Variants in NPAS4 observed in about 807,000 individuals in gnomAD.
The protein encoded by NPAS4 is neuronal PAS domain protein 4.
In NPAS4, 10 loss-of-function variants were observed where a neutral mutation model predicts 64.0. The ratio of observed to expected loss-of-function variants is 0.16; its 90% CI spans 0.10 to 0.26. The LOEUF (loss-of-function observed/expected upper bound fraction) is 0.26, where lower values mean the gene tolerates loss of function less well. NPAS4 is among the 10% of genes least tolerant of loss of function. The pLI is 1.00. For missense variants in NPAS4, 886 were observed against 992.6 expected, an observed-to-expected ratio of 0.89 and a Z score of 1.44; for synonymous variants, 441 against 411.7, an observed-to-expected ratio of 1.07 and a Z score of -0.86.
chr11:66,417,813 C>CAA (rs141187752), upstream of NPAS4, among the ~76,000 whole-genome samples: 18 of 143,508 alleles, frequency 1.3e-4, no homozygotes, highest in Admixed American at 8.3e-4. Flanking sequence ...AAGTTGGAGA[C>CAA]AAAAAAAAAA....
chr11:66,417,475 C>G (rs958462676), upstream of NPAS4, among the ~76,000 whole-genome samples: 4 of 152,052 alleles, frequency 2.6e-5, no homozygotes, highest in African/African-American at 9.7e-5. Flanking sequence ...ATGTGGGGCT[C>G]CTTTCCTCCA....
At chr11:66,423,788 G>T in intron 6 of NPAS4, 47 bp from the exon 7 acceptor site, 1 of 1,605,500 alleles carries the variant, frequency 6.2e-7, no homozygotes, top group Non-Finnish European at 8.5e-7. Flanking sequence ...AACTGCTCTG[G>T]ATATGGACGT....
chr11:66,425,352 C>A, intron 7 of NPAS4, 82 bp downstream of exon 7: 1 of 704,094 alleles, frequency 1.4e-6, no homozygotes. Flanking sequence ...ATCAATTCCC[C>A]CTCTCTGTAC....
intron 7 of NPAS4, among the ~76,000 whole-genome samples, chr11:66,425,686 C>T (rs1358862867): frequency 3.3e-5 from 5 of 152,146 alleles, no homozygotes; most frequent in Non-Finnish European, 5.9e-5. Flanking sequence ...GGATACAGAG[C>T]AAGAATTTAT....
At chr11:66,423,529 G>A in intron 5 of NPAS4, 49 bp from the exon 6 acceptor site, 1 of 1,609,126 alleles carries the variant, frequency 6.2e-7, no homozygotes, top group Non-Finnish European at 8.5e-7. Context: ...TGGGGAGTAG[G>A]TAGAATTGCC....
chr11:66,423,882 C>A lies in NPAS4; in HGVS notation c.992C>A (p.Thr331Asn), dbSNP rs769746037. ...CGCCAGCAGTTGAACTCTGAAGACACCCAGGCAGCTTATGTCCTGGGCACT... is the reference window on the plus strand; with the variant it reads ...CGCCAGCAGTTGAACTCTGAAGACAACCAGGCAGCTTATGTCCTGGGCACT... The part of the protein sequence containing the change: ...SLRQQLNSED[T>N]QAAYVLGTPT... Residue 331 changes from threonine to asparagine, a missense_variant, in exon 7 of 8, where the codon ACC becomes AAC. Physicochemically the swap from Thr to Asn is moderately conservative, Grantham distance 65. Coordinates refer to ENST00000311034, the MANE Select transcript of NPAS4 (RefSeq NM_178864.4). 6.2e-7 allele frequency: 1 copy of A among 1,613,554 alleles called. No individual in the cohort carries two copies. The highest frequency in any genetic ancestry group is 8.5e-7 in the Non-Finnish European group (1 of 1,179,688).
chr11:66,413,250 A>G, the NPAS4 span, among the ~76,000 whole-genome samples: 1 of 152,248 alleles, frequency 6.6e-6, no homozygotes, highest in Non-Finnish European at 1.5e-5. Context: ...GGAAATTAGG[A>G]AGAACTCGGC....
intron 3 of NPAS4, 39 bp from the exon 4 acceptor site, chr11:66,422,635 C>A: frequency 6.2e-7 from 1 of 1,610,936 alleles, no homozygotes; most frequent in Non-Finnish European, 8.5e-7. Flanking sequence ...CTCTCTCAGC[C>A]ACTCACCCTC....
At position 66,423,140 on chromosome 11, in the gene NPAS4, G is replaced by A; in HGVS notation, c.716G>A (p.Gly239Asp). ...DISESVLIYL[G>D]FERSELLCKS... Reference sequence around the variant, plus strand: ...CTTCCCAGTGTCCTAATCTACCTGGGCTTTGAGCGCAGTGAACTGCTTTGT... The same window carrying A: ...CTTCCCAGTGTCCTAATCTACCTGGACTTTGAGCGCAGTGAACTGCTTTGT... The change falls in exon 5 of 8, where the codon GGC (glycine) becomes GAC (aspartate). Residue 239 changes from glycine to aspartate, a missense_variant. Physicochemically the swap from Gly to Asp is moderately conservative, Grantham distance 94. Transcript: ENST00000311034. 6.2e-7 allele frequency: 1 copy of A among 1,609,850 alleles called. No individual in the cohort carries two copies.
chr11:66,423,996 C>A lies in NPAS4; in HGVS notation c.1106C>A (p.Ala369Asp). The A allele has an allele frequency of 6.2e-7, 1 of 1,614,106 alleles. No homozygotes were observed. The highest frequency in any genetic ancestry group is 8.5e-7 in the Non-Finnish European group (1 of 1,180,000). ...CCACTCTTCACCGCAGCACTGGGGG[C>A]TCCCAGAAGCACCAGCTTCCCCAGT... The part of the protein sequence containing the change: ...TNPLFTAALG[A>D]PRSTSFPSAP... The change falls in exon 7 of 8, where the codon GCT (alanine) becomes GAT (aspartate). Residue 369 changes from alanine to aspartate, a missense_variant. Coordinates refer to ENST00000311034, the MANE Select transcript of NPAS4 (RefSeq NM_178864.4).
upstream of NPAS4, among the ~76,000 whole-genome samples, chr11:66,418,898 A>G (rs1268293600): frequency 1.3e-5 from 2 of 152,178 alleles, no homozygotes; most frequent in Non-Finnish European, 2.9e-5. Context: ...TCGGCGCAGT[A>G]TTCCTTCACT....
the NPAS4 span, among the ~76,000 whole-genome samples, chr11:66,413,152 G>T: frequency 3.3e-5 from 5 of 152,192 alleles, no homozygotes; most frequent in Non-Finnish European, 7.3e-5. Flanking sequence ...GGCCTGGGGT[G>T]CCTGCAAACC....
chr11:66,417,863 AG>A (rs1856688307), upstream of NPAS4, among the ~76,000 whole-genome samples: 1 of 152,186 alleles, frequency 6.6e-6, no homozygotes, highest in African/African-American at 2.4e-5. Flanking sequence ...ATAGATATAC[AG>A]GGGTACAGAC....
chr11:66,424,232 T>C lies in NPAS4; in HGVS notation c.1342T>C (p.Leu448=), dbSNP rs768386581. The change falls in exon 7 of 8, where the codon TTG becomes CTG. Residue 448 remains leucine (L), a synonymous_variant. Coordinates refer to ENST00000311034, the MANE Select transcript of NPAS4 (RefSeq NM_178864.4). ...CCTCCATGAGCCCTTCCAGACCCAT[T>C]TGCCCACCCCATCCAGCACTCTTCA... The part of the protein sequence containing the change: ...FSLHEPFQTH[L]PTPSSTLQEQ... 1 of 1,613,994 alleles carries C rather than the reference T, an allele frequency of 6.2e-7. No homozygotes were observed. The highest frequency in any genetic ancestry group is 1.7e-5 in the Admixed American group (1 of 60,002).
chr11:66,420,837 G>T (rs534837742), upstream of NPAS4, among the ~76,000 whole-genome samples: 6 of 151,458 alleles, frequency 4.0e-5, no homozygotes, highest in Non-Finnish European at 7.4e-5. Context: ...CTCCCCCCTC[G>T]CCCGCCTCCC....
In NPAS4 at chr11:66,425,045, A is replaced by G; in HGVS notation, c.2155A>G (p.Thr719Ala). The G allele has an allele frequency of 6.2e-7, 1 of 1,611,540 alleles. No homozygotes were observed. The highest frequency in any genetic ancestry group is 1.7e-5 in the Admixed American group (1 of 59,622). ...PVEDIFMDLS[T>A]PDPSEEWGSG... The stretch of plus-strand genomic sequence containing the variant: ...GGAAGACATCTTCATGGATCTCTCT[A>G]CCCCAGATCCCAGTGAGGAATGGGG... Residue 719 changes from threonine (T) to alanine (A), a missense_variant, in exon 7 of 8, where the codon ACC (threonine) becomes GCC (alanine). By Grantham distance (58) the Thr-to-Ala change is moderately conservative. This residue lies in a region of NPAS4 where 820 missense variants were observed against 855.5 expected (regional missense o/e 0.96). Coordinates refer to ENST00000311034, the MANE Select transcript of NPAS4 (RefSeq NM_178864.4).
At chr11:66,418,757 C>T (rs1417834221), upstream of NPAS4, among the ~76,000 whole-genome samples, 1 of 152,204 alleles carries the variant, frequency 6.6e-6, no homozygotes, top group Non-Finnish European at 1.5e-5. Context: ...CATATTCATT[C>T]ACAGAGAATA....
chr11:66,417,247 TTC>T (rs1856681696), upstream of NPAS4: 1 of 152,050 alleles, frequency 6.6e-6, no homozygotes, highest in African/African-American at 2.4e-5. Flanking sequence ...CTCTCTCTCA[TTC>T]TCTCAGTTGT....
At chr11:66,412,655 A>G in the NPAS4 span, among the ~76,000 whole-genome samples, 4 of 152,244 alleles carry the variant, frequency 2.6e-5, no homozygotes, top group African/African-American at 9.6e-5. Flanking sequence ...TAACTCCTTT[A>G]ATGCTAACAT....
Sources: allele counts gnomAD v4.1 joint callset (sites outside exome capture counted in the v4.1 genomes callset), GRCh38; gene constraint gnomAD v4.1.1; regional missense constraint gnomAD v4.1.1; transcripts MANE v1.5; gene names NCBI Gene and HGNC (gene_info 2026-07-23, HGNC 2026-07-21).